KDM3B: variants seen among roughly 807,000 people sequenced by gnomAD.
KDM3B encodes lysine demethylase 3B.
A neutral mutation model predicts 170.0 loss-of-function variants in KDM3B; 10 were observed. The ratio of observed to expected loss-of-function variants is 0.06; its 90% CI spans 0.04 to 0.10. The LOEUF is 0.10. Ranked by LOEUF, KDM3B falls within the 10% of genes least tolerant of loss-of-function variation. The pLI is 1.00. For missense variants in KDM3B, 1,394 were observed against 2,195.2 expected (o/e 0.64, Z 7.29); for synonymous variants, 831 against 834.8 (o/e 1.00, Z 0.08).
intron 16 of KDM3B, among the ~76,000 whole-genome samples, chr5:138,425,197 C>T (rs1033361598): frequency 5.9e-5 from 9 of 152,150 alleles, no homozygotes; most frequent in African/African-American, 2.2e-4. Flanking sequence ...AAGTGATTTC[C>T]CCAGGGTGAG....
rs770473850 is a variant in KDM3B, at chr5:138,391,116, T to G, written c.1484T>G (p.Val495Gly). The change falls in exon 8 of 24, where the codon GTT (valine) becomes GGT (glycine). Residue 495 changes from valine (V) to glycine (G), a missense_variant. Around this residue, in one of 19 missense-constraint regions of KDM3B, gnomAD observed 10 missense variants for 29.3 expected, o/e 0.34. Coordinates refer to ENST00000314358, the MANE Select transcript of KDM3B (RefSeq NM_016604.4). The surrounding 1 kb of genome is among the most constrained non-coding windows in gnomAD (Gnocchi z 5.0). ...FGSGRSQSNG[V>G]LATENKPLGF... Reference sequence around the variant, plus strand: ...AGTGGAAGGAGCCAGTCCAATGGTGTTCTAGCCACAGAGAACAAACCTTTG... The same window carrying G: ...AGTGGAAGGAGCCAGTCCAATGGTGGTCTAGCCACAGAGAACAAACCTTTG... The G allele has an allele frequency of 6.2e-7, 1 of 1,614,162 alleles. No individual in the cohort carries two copies.
chr5:138,426,804 G>T (rs1458381329), intron 17 of KDM3B, 171 bp from the exon 18 acceptor site: 1 of 528,524 alleles, frequency 1.9e-6, no homozygotes, highest in Non-Finnish European at 3.4e-6. Context: ...GCTTGAACCC[G>T]GGAGGCCAAG....
In KDM3B at chr5:138,418,961, C is replaced by T; in HGVS notation, c.3444C>T (p.Ser1148=). Residue 1148 remains serine (S), a synonymous_variant, in exon 14 of 24, where the codon AGC becomes AGT. Transcript: ENST00000314358. ...AVTNGMSQLP[S]INPSASSGNE... ...GGCCTTCTGCATTTTAGCTTCCTAG[C>T]ATAAACCCTAGTGCCTCTTCTGGAA... 6.2e-7 allele frequency: 1 copy of T among 1,613,980 alleles called. No homozygotes were observed. Among genetic ancestry groups the T allele is most frequent in the Non-Finnish European group, 8.5e-7 (1 of 1,179,884 alleles).
At chr5:138,434,693 TA>T (rs1580967759) in intron 23 of KDM3B, among the ~76,000 whole-genome samples, 1 of 152,230 alleles carries the variant, frequency 6.6e-6, no homozygotes, top group Admixed American at 6.5e-5. Flanking sequence ...GATATAGATA[TA>T]TTTTTTTAAT....
At chr5:138,369,779 G>T (rs757649) in intron 1 of KDM3B, among the ~76,000 whole-genome samples, 38,205 of 152,060 alleles carry the variant, frequency 0.25, 5,407 homozygotes, top group East Asian at 0.56. Context: ...TTTATCCTGT[G>T]ACATACTATT....
At chr5:138,401,723 C>T (rs776519725) in intron 11 of KDM3B, among the ~76,000 whole-genome samples, 1 of 152,112 alleles carries the variant, frequency 6.6e-6, no homozygotes, top group African/African-American at 2.4e-5. Context: ...AAAGTAGCTG[C>T]ACTATGTTAC....
chr5:138,408,412 T>G (rs570650422), intron 11 of KDM3B, among the ~76,000 whole-genome samples: 17 of 148,092 alleles, frequency 1.1e-4, no homozygotes, highest in Non-Finnish European at 2.2e-4. Context: ...AAGAAAGAAA[T>G]TGAATTTGTA....
chr5:138,408,250 TC>T (rs980553554), intron 11 of KDM3B, among the ~76,000 whole-genome samples: 73 of 152,170 alleles, frequency 4.8e-4, no homozygotes, highest in African/African-American at 1.8e-3. Context: ...CGCCGCCGCC[TC>T]AAGCCTGAGT....
intron 1 of KDM3B, among the ~76,000 whole-genome samples, chr5:138,364,068 C>G (rs1219106544): frequency 6.6e-6 from 1 of 151,990 alleles, no homozygotes; most frequent in Non-Finnish European, 1.5e-5. Flanking sequence ...AGGTGCCACG[C>G]CACCATGCCT....
intron 23 of KDM3B, among the ~76,000 whole-genome samples, chr5:138,434,837 T>C (rs1763633491): frequency 6.6e-6 from 1 of 152,156 alleles, no homozygotes; most frequent in South Asian, 2.1e-4. Flanking sequence ...GTTGAAGCAA[T>C]GCAAAAAAAT....
intron 1 of KDM3B, among the ~76,000 whole-genome samples, chr5:138,356,590 C>T (rs1267863918): frequency 6.6e-6 from 1 of 150,874 alleles, no homozygotes; most frequent in Non-Finnish European, 1.5e-5. Flanking sequence ...GATATTAACT[C>T]CTTCACCTGC....
chr5:138,416,835 C>T (rs894173019), intron 12 of KDM3B, among the ~76,000 whole-genome samples: 7 of 152,020 alleles, frequency 4.6e-5, no homozygotes, highest in Non-Finnish European at 5.9e-5. Flanking sequence ...TGTTTACACT[C>T]TTTGGGACGG....
At chr5:138,403,293 G>A (rs568479911) in intron 11 of KDM3B, among the ~76,000 whole-genome samples, 1 of 152,252 alleles carries the variant, frequency 6.6e-6, no homozygotes, top group South Asian at 2.1e-4. Context: ...ATTATCGAGT[G>A]TGCAAAAATA....
chr5:138,412,215 A>G (rs913574461), intron 11 of KDM3B, among the ~76,000 whole-genome samples: 1 of 151,412 alleles, frequency 6.6e-6, no homozygotes, highest in Non-Finnish European at 1.5e-5. Flanking sequence ...GGGCACCTGT[A>G]ATCCCAGCTG....
At position 138,354,207 on chromosome 5, in the gene KDM3B, C is replaced by G. The variant is rs143040375; in HGVS notation, c.192+1220C>G. On this transcript the variant is annotated intron_variant, in intron 1 of 23. Transcript: ENST00000314358. ...GATGGCTTAGGCTTTGCTTCTGCTA[C>G]TTGGGTTCATTTGCTTTGATTTTTC... Among the ~76,000 whole-genome samples, 19 of 152,162 alleles carry G rather than the reference C, an allele frequency of 1.2e-4. No homozygotes were observed. In the East Asian group the frequency reaches 3.7e-3, roughly 29 times the overall value.
chr5:138,358,975 G>T lies in KDM3B; in HGVS notation c.192+5988G>T, dbSNP rs375674822. Among the ~76,000 whole-genome samples the T allele has an allele frequency of 1.4e-4, 19 of 134,476 alleles. No individual in the cohort carries two copies. In the East Asian group the frequency reaches 3.2e-3, roughly 23 times the overall value. The allele number at this position is 134,476 out of a possible 152,430, so 88.2% of individuals were successfully genotyped here. ...TACCCCACAACAGTCTTCAGAGTGT[G>T]ATGTTCCCCTTCCTGTGTCCATGTG... On this transcript the variant is annotated intron_variant, in intron 1 of 23. Transcript: ENST00000314358.
rs1561764503 is a variant in KDM3B at position 138,377,793 on chromosome 5, G to C, written c.548G>C (p.Ser183Thr). ...ALRETVNALI[S>T]DQKLQEIFSR... Reference sequence around the variant, plus strand: ...AGAGAAACAGTTAATGCTTTGATCAGTGACCAAAAGCTACAAGAGATATTC... The same window carrying C: ...AGAGAAACAGTTAATGCTTTGATCACTGACCAAAAGCTACAAGAGATATTC... Residue 183 changes from serine to threonine, a missense_variant, in exon 4 of 24, where the codon AGT becomes ACT. By Grantham distance (58) the Ser-to-Thr change is moderately conservative. This residue lies in a region of KDM3B where 166 missense variants were observed against 216.4 expected (regional missense o/e 0.77). Coordinates refer to ENST00000314358, the MANE Select transcript of KDM3B (RefSeq NM_016604.4). 1 of 1,613,840 alleles carries C rather than the reference G, an allele frequency of 6.2e-7. No homozygotes were observed. Among genetic ancestry groups the C allele is most frequent in the Non-Finnish European group, 8.5e-7 (1 of 1,179,842 alleles).
intron 14 of KDM3B, 127 bp downstream of exon 14, chr5:138,419,359 A>C: frequency 8.5e-7 from 1 of 1,175,142 alleles, no homozygotes; most frequent in Non-Finnish European, 1.2e-6. Context: ...GGCTAATCAC[A>C]TGAGGGACTG....
intron 15 of KDM3B, among the ~76,000 whole-genome samples, chr5:138,422,949 CT>C (rs36037502): frequency 3.3e-5 from 5 of 149,926 alleles, no homozygotes; most frequent in Non-Finnish European, 4.5e-5. Flanking sequence ...GGATAAGTAA[CT>C]TTTTTTTTTG....
Sources: gnomAD v4.1 joint callset for allele counts (sites outside exome capture counted in the v4.1 genomes callset) on GRCh38, gnomAD v4.1.1 for gene constraint, gnomAD v4.1.1 regional missense constraint, Gnocchi (gnomAD v3.1) non-coding constraint, MANE v1.5 for transcripts, NCBI Gene and HGNC (gene_info 2026-07-23, HGNC 2026-07-21) for gene names.